The following ADAMTS19 variants were observed in gnomAD, a reference collection of about 807,000 sequenced individuals.
The protein encoded by ADAMTS19 is A disintegrin and metalloproteinase with thrombospondin motifs 19.
Under a neutral mutation model 153.3 loss-of-function variants are expected in ADAMTS19, and 93 were observed. That is an observed-to-expected ratio of 0.61 (90% CI 0.51 to 0.72). The LOEUF (loss-of-function observed/expected upper bound fraction) is 0.72. Among genes scored for constraint, ADAMTS19 ranks in the 30% least tolerant of loss-of-function variants. The probability of loss-of-function intolerance (pLI) is 0.00; values close to 1 mark genes in which losing one functional copy is unlikely to be tolerated. For synonymous variants in ADAMTS19, 600 were observed against 556.6 expected, an observed-to-expected ratio of 1.08 and a Z score of -1.10; for missense variants, 1,482 against 1,552.1, an observed-to-expected ratio of 0.95 and a Z score of 0.76.
chr5:129,614,813 A>C (rs1484181190), intron 8 of ADAMTS19, among the ~76,000 whole-genome samples: 1 of 152,178 alleles, frequency 6.6e-6, no homozygotes, highest in African/African-American at 2.4e-5. Context: ...AAATCTCCTT[A>C]AGCTGATAAG....
At chr5:129,719,417 C>T (rs759084826) in intron 21 of ADAMTS19, among the ~76,000 whole-genome samples, 25 of 152,148 alleles carry the variant, frequency 1.6e-4, no homozygotes, top group Non-Finnish European at 3.5e-4. Flanking sequence ...AAATGACTAG[C>T]TAGTACTGAA....
intron 7 of ADAMTS19, among the ~76,000 whole-genome samples, chr5:129,594,656 CTT>C (rs1420182354): frequency 6.6e-5 from 10 of 151,974 alleles, no homozygotes; most frequent in African/African-American, 2.2e-4. Context: ...GTTTTCCACT[CTT>C]TGTTGTATTC....
intron 2 of ADAMTS19, among the ~76,000 whole-genome samples, chr5:129,479,610 A>T (rs1750343450): frequency 6.6e-6 from 1 of 152,222 alleles, no homozygotes; most frequent in Non-Finnish European, 1.5e-5. Flanking sequence ...GTTTAGCAAG[A>T]TGGCGGGATA....
At chr5:129,569,080 T>C (rs1753808584) in intron 7 of ADAMTS19, among the ~76,000 whole-genome samples, 1 of 151,986 alleles carries the variant, frequency 6.6e-6, no homozygotes, top group Non-Finnish European at 1.5e-5. Flanking sequence ...AGAAACTCAC[T>C]TCAACTATAA....
chr5:129,726,915 C>T (rs368384145), intron 21 of ADAMTS19, among the ~76,000 whole-genome samples: 4 of 151,578 alleles, frequency 2.6e-5, no homozygotes, highest in Non-Finnish European at 2.9e-5. Flanking sequence ...TTGCTCTTAC[C>T]CTCTCCCCCA....
At chr5:129,610,734 G>T (rs372518317) in intron 8 of ADAMTS19, among the ~76,000 whole-genome samples, 1 of 152,016 alleles carries the variant, frequency 6.6e-6, no homozygotes, top group African/African-American at 2.4e-5. Flanking sequence ...ATTGTGAATA[G>T]TGCCGCAATA....
chr5:129,663,786 T>TTCAAATTGATAAATTCATTCTCCTGC (rs1753921064), intron 15 of ADAMTS19, among the ~76,000 whole-genome samples: 3 of 152,208 alleles, frequency 2.0e-5, no homozygotes, highest in Admixed American at 6.5e-5. Context: ...GTTTGATAGT[T>TTCAAATTGATAAATTCATTCTCCTGC]TCAAATTGAT....
intron 21 of ADAMTS19, among the ~76,000 whole-genome samples, chr5:129,710,064 A>T (rs986340372): frequency 3.4e-4 from 51 of 151,904 alleles, no homozygotes; most frequent in Non-Finnish European, 5.3e-4. Context: ...CCGCACTATC[A>T]GCCCATCACC....
chr5:129,622,240 T>A lies in ADAMTS19; in HGVS notation c.1662T>A (p.Ser554Arg). Residue 554 changes from serine to arginine, a missense_variant, in exon 10 of 23, where the codon AGT (serine) becomes AGA (arginine). Around this residue, in one of 2 missense-constraint regions of ADAMTS19, gnomAD observed 866 missense variants for 827.7 expected, o/e 1.05. Coordinates refer to ENST00000274487, the MANE Select transcript of ADAMTS19 (RefSeq NM_133638.6). ...SNCLLQTNPQ[S>R]VNSVMVPSKL... The stretch of plus-strand genomic sequence containing the variant: ...GCTTGCTACAAACAAATCCGCAGAG[T>A]GTCAATTCTGTGATGGTTCCCTCCA... 6.2e-7 allele frequency: 1 copy of A among 1,613,940 alleles called. No individual in the cohort carries two copies. Among genetic ancestry groups the A allele is most frequent in the Non-Finnish European group, 8.5e-7 (1 of 1,179,952 alleles).
chr5:129,680,348 T>A (rs1273345395), intron 17 of ADAMTS19, among the ~76,000 whole-genome samples: 1 of 152,160 alleles, frequency 6.6e-6, no homozygotes, highest in Non-Finnish European at 1.5e-5. Context: ...AGAGAAGGAA[T>A]TTGATAAATA....
chr5:129,647,042 G>A (rs989335120), intron 11 of ADAMTS19, among the ~76,000 whole-genome samples: 1 of 151,848 alleles, frequency 6.6e-6, no homozygotes, highest in Non-Finnish European at 1.5e-5. Context: ...AAATAAAAAA[G>A]AGAATGACTA....
intron 16 of ADAMTS19, among the ~76,000 whole-genome samples, chr5:129,677,357 T>C (rs1272152621): frequency 1.3e-5 from 2 of 151,970 alleles, no homozygotes; most frequent in Non-Finnish European, 2.9e-5. Context: ...CAGCCTGTAA[T>C]CCCAGCTACT....
intron 7 of ADAMTS19, among the ~76,000 whole-genome samples, chr5:129,560,273 A>G (rs552335380): frequency 5.0e-4 from 76 of 152,352 alleles, no homozygotes; most frequent in African/African-American, 1.8e-3. Flanking sequence ...AGGTTAAAGT[A>G]GACAAGTTTT....
intron 3 of ADAMTS19, 152 bp downstream of exon 3, chr5:129,509,394 C>A (rs970180877): frequency 2.0e-5 from 16 of 802,180 alleles, no homozygotes; most frequent in African/African-American, 1.9e-4. Flanking sequence ...ATAGGATTAT[C>A]TTTTAGTTTT....
At chr5:129,710,997 C>T (rs181223080) in intron 21 of ADAMTS19, among the ~76,000 whole-genome samples, 1 of 152,212 alleles carries the variant, frequency 6.6e-6, no homozygotes, top group African/African-American at 2.4e-5. Flanking sequence ...ACTATGGATT[C>T]CAACATGCCT....
At chr5:129,571,109 A>G (rs891330980) in intron 7 of ADAMTS19, among the ~76,000 whole-genome samples, 1 of 151,932 alleles carries the variant, frequency 6.6e-6, no homozygotes, top group Non-Finnish European at 1.5e-5. Context: ...ACAAATATGA[A>G]GGAAGAAATA....
At chr5:129,683,531 AT>A (rs1441374612) in intron 17 of ADAMTS19, among the ~76,000 whole-genome samples, 2 of 152,164 alleles carry the variant, frequency 1.3e-5, no homozygotes, top group African/African-American at 4.8e-5. Context: ...GCTTGCTACA[AT>A]TAAAGGTTAA....
At chr5:129,531,844 C>T (rs767941458) in intron 6 of ADAMTS19, among the ~76,000 whole-genome samples, 12 of 151,918 alleles carry the variant, frequency 7.9e-5, no homozygotes, top group African/African-American at 1.7e-4. Context: ...AGAAATAAAC[C>T]CAGATATATA....
intron 10 of ADAMTS19, among the ~76,000 whole-genome samples, chr5:129,630,063 T>C (rs1421022323): frequency 1.3e-5 from 2 of 152,140 alleles, no homozygotes; most frequent in Non-Finnish European, 2.9e-5. Flanking sequence ...CTGAATCATA[T>C]GATTACTTTA....
Sources: gnomAD v4.1 joint callset for allele counts (sites outside exome capture counted in the v4.1 genomes callset) on GRCh38, gnomAD v4.1.1 for gene constraint, gnomAD v4.1.1 regional missense constraint, MANE v1.5 for transcripts, NCBI Gene and HGNC (gene_info 2026-07-23, HGNC 2026-07-21) for gene names.